Variants in GREB1L observed in about 807,000 individuals in gnomAD.
GREB1L encodes the protein GREB1-like protein.
A neutral mutation model predicts 200.8 loss-of-function variants in GREB1L; 17 were observed. The ratio of observed to expected loss-of-function variants is 0.08; its 90% CI spans 0.06 to 0.13. The LOEUF (loss-of-function observed/expected upper bound fraction) is 0.13, where lower values mean the gene tolerates loss of function less well. Among genes scored for constraint, GREB1L ranks in the 10% least tolerant of loss-of-function variants. The probability of loss-of-function intolerance (pLI) is 1.00; values close to 1 mark genes in which losing one functional copy is unlikely to be tolerated. For missense variants in GREB1L, 1,657 were observed against 2,367.7 expected (o/e 0.70, Z 6.23); for synonymous variants, 789 against 893.0 (o/e 0.88, Z 2.08).
intron 1 of GREB1L, among the ~76,000 whole-genome samples, chr18:21,308,069 C>T (rs2038730777): frequency 6.6e-6 from 1 of 152,182 alleles, no homozygotes; most frequent in Non-Finnish European, 1.5e-5. Flanking sequence ...CTGTTTGGAT[C>T]CCATCTGATA....
chr18:21,383,770 T>C, intron 3 of GREB1L, 95 bp downstream of exon 3: 1 of 1,236,550 alleles, frequency 8.1e-7, no homozygotes, highest in African/African-American at 1.5e-5. Context: ...TGGAGTGCAG[T>C]GGCGTGATCT....
chr18:21,401,083 G>A (rs1335590268), intron 5 of GREB1L, 67 bp from the exon 6 acceptor site: 21 of 1,303,784 alleles, frequency 1.6e-5, no homozygotes, highest in Middle Eastern at 3.7e-4. Flanking sequence ...TTTCTATGCT[G>A]TTTAATACGT....
chr18:21,249,259 T>C (rs1272740952), intron 1 of GREB1L, among the ~76,000 whole-genome samples: 2 of 152,130 alleles, frequency 1.3e-5, no homozygotes, highest in Non-Finnish European at 2.9e-5. Flanking sequence ...ACAGCTCTTA[T>C]AGTAGGATGG....
intron 16 of GREB1L, among the ~76,000 whole-genome samples, chr18:21,474,496 CATCTGAA>C (rs2035608971): frequency 6.6e-6 from 1 of 152,192 alleles, no homozygotes; most frequent in African/African-American, 2.4e-5. Context: ...CATTTCCATA[CATCTGAA>C]ATCTAGGCAG....
chr18:21,395,665 T>C, intron 5 of GREB1L, 104 bp downstream of exon 5: 1 of 807,794 alleles, frequency 1.2e-6, no homozygotes, highest in Non-Finnish European at 1.9e-6. Flanking sequence ...AGAGGATTAT[T>C]TGGGGATTAT....
intron 9 of GREB1L, among the ~76,000 whole-genome samples, 179 bp from the exon 10 acceptor site, chr18:21,441,221 A>T (rs1485431663): frequency 2.6e-5 from 4 of 152,066 alleles, no homozygotes; most frequent in African/African-American, 9.7e-5. Flanking sequence ...ATTATGGTTA[A>T]TTTTTTTTCT....
At chr18:21,339,575 A>G (rs1271048072) in intron 1 of GREB1L, among the ~76,000 whole-genome samples, 2 of 152,198 alleles carry the variant, frequency 1.3e-5, no homozygotes, top group African/African-American at 4.8e-5. Flanking sequence ...AACTTTCTTG[A>G]ACAAGTCACT....
chr18:21,478,127 C>T (rs111480188), intron 17 of GREB1L, among the ~76,000 whole-genome samples: 4 of 152,262 alleles, frequency 2.6e-5, no homozygotes, highest in African/African-American at 9.6e-5. Context: ...CTCTCTTGCT[C>T]CTCCAGCAAC....
intron 4 of GREB1L, among the ~76,000 whole-genome samples, chr18:21,391,214 A>AT (rs1311430922): frequency 1.3e-5 from 2 of 152,120 alleles, no homozygotes; most frequent in Non-Finnish European, 2.9e-5. Flanking sequence ...CAGGTGTGTC[A>AT]TTTTTTATCT....
chr18:21,290,157 G>A (rs906180489), intron 1 of GREB1L, among the ~76,000 whole-genome samples: 10 of 152,136 alleles, frequency 6.6e-5, no homozygotes, highest in African/African-American at 2.2e-4. Context: ...TAGAACACCT[G>A]CTTTCATATT....
intron 27 of GREB1L, among the ~76,000 whole-genome samples, chr18:21,510,700 T>C (rs1386210926): frequency 6.6e-6 from 1 of 152,210 alleles, no homozygotes; most frequent in Admixed American, 6.5e-5. Context: ...TGGGTATGTA[T>C]CTAGAAGCGA....
intron 1 of GREB1L, among the ~76,000 whole-genome samples, chr18:21,279,062 A>G (rs541969416): frequency 1.3e-5 from 2 of 152,214 alleles, no homozygotes; most frequent in African/African-American, 2.4e-5. Context: ...GACATTACCA[A>G]ATCTAATATT....
At chr18:21,321,310 A>G (rs1397735675) in intron 1 of GREB1L, among the ~76,000 whole-genome samples, 1 of 152,032 alleles carries the variant, frequency 6.6e-6, no homozygotes, top group Admixed American at 6.6e-5. Context: ...AATAAATAAA[A>G]TAAAATCTTA....
chr18:21,434,525 G>A (rs1398704776), intron 7 of GREB1L, among the ~76,000 whole-genome samples: 34 of 121,358 alleles, frequency 2.8e-4, no homozygotes, highest in African/African-American at 9.7e-4. Flanking sequence ...GTGTGTGTGT[G>A]TGTGTGTATA....
chr18:21,344,129 C>T (rs77899042), intron 1 of GREB1L, among the ~76,000 whole-genome samples: 6,029 of 152,116 alleles, frequency 0.04, 420 homozygotes, highest in African/African-American at 0.14. Flanking sequence ...AGGCTGGGTG[C>T]GGTGGCTCAC....
At chr18:21,313,146 G>T (rs966410947) in intron 1 of GREB1L, among the ~76,000 whole-genome samples, 2 of 151,556 alleles carry the variant, frequency 1.3e-5, no homozygotes, top group Admixed American at 6.6e-5. Context: ...TAACAGAGAA[G>T]ATTTTAATAT....
intron 1 of GREB1L, among the ~76,000 whole-genome samples, chr18:21,349,800 G>T (rs1182716428): frequency 1.3e-5 from 2 of 151,990 alleles, no homozygotes; most frequent in African/African-American, 4.8e-5. Flanking sequence ...ATGGTGCATT[G>T]TATAATTATT....
intron 2 of GREB1L, among the ~76,000 whole-genome samples, chr18:21,382,784 C>A (rs1244947973): frequency 2.0e-5 from 3 of 151,938 alleles, no homozygotes; most frequent in African/African-American, 7.3e-5. Flanking sequence ...ACTATGCCCA[C>A]CCTATACATG....
intron 7 of GREB1L, among the ~76,000 whole-genome samples, chr18:21,413,899 G>T (rs2031349535): frequency 6.6e-6 from 1 of 152,148 alleles, no homozygotes; most frequent in Non-Finnish European, 1.5e-5. Flanking sequence ...TATTACACTA[G>T]CCAAAATATT....
Sources: gnomAD v4.1 joint callset for allele counts (sites outside exome capture counted in the v4.1 genomes callset) on GRCh38, gnomAD v4.1.1 for gene constraint, MANE v1.5 for transcripts, NCBI Gene and HGNC (gene_info 2026-07-23, HGNC 2026-07-21) for gene names.